Variants in GFRA1 observed in about 807,000 individuals in gnomAD.
GFRA1 encodes the protein GDNF family receptor alpha 1.
In GFRA1, 16 loss-of-function variants were observed where a neutral mutation model predicts 51.6. The ratio of observed to expected loss-of-function variants is 0.31; its 90% CI spans 0.21 to 0.47. GFRA1 has a LOEUF of 0.47. Among genes scored for constraint, GFRA1 ranks in the 20% least tolerant of loss-of-function variants. GFRA1 has a pLI of 1.00. For synonymous variants in GFRA1, 270 were observed against 241.3 expected (o/e 1.12, Z -1.10); for missense variants, 530 against 594.3 (o/e 0.89, Z 1.13).
At chr10:116,145,148 CAAAA>C (rs58509181) in intron 5 of GFRA1, among the ~76,000 whole-genome samples, 6 of 28,738 alleles carry the variant, frequency 2.1e-4, no homozygotes, top group South Asian at 3.2e-3. Context: ...GACTCTGTCT[CAAAA>C]AAAAAAAAAA....
At chr10:116,208,368 G>A (rs1186004462) in intron 5 of GFRA1, among the ~76,000 whole-genome samples, 2 of 152,062 alleles carry the variant, frequency 1.3e-5, no homozygotes, top group Non-Finnish European at 2.9e-5. Flanking sequence ...TAAGTTCCAC[G>A]AAAACAGGAC....
At chr10:116,246,032 T>A (rs76138097) in intron 4 of GFRA1, among the ~76,000 whole-genome samples, 2 of 152,208 alleles carry the variant, frequency 1.3e-5, no homozygotes, top group Non-Finnish European at 2.9e-5. Context: ...TCAAAACTCA[T>A]AGAACTGTTT....
chr10:116,166,565 G>A (rs187210569), intron 5 of GFRA1, among the ~76,000 whole-genome samples: 7 of 151,934 alleles, frequency 4.6e-5, no homozygotes, highest in East Asian at 1.9e-4. Context: ...ACCTTCCCCC[G>A]GCCGTGCAGC....
Position 116,272,053 on chromosome 10 carries a change from C to T in GFRA1, c.-24G>A, listed in dbSNP as rs1376841096. 2 of 1,548,208 alleles carry T rather than the reference C, an allele frequency of 1.3e-6. No homozygotes were observed. Among genetic ancestry groups the T allele is most frequent in the Non-Finnish European group, 8.7e-7 (1 of 1,145,624 alleles). On this transcript the variant is annotated 5_prime_UTR_variant, in exon 2 of 11. Coordinates refer to ENST00000355422, the MANE Select transcript of GFRA1 (RefSeq NM_005264.8). This position sits in a 1 kb window ranked among gnomAD's most constrained non-coding sequence, Gnocchi z 4.4. The stretch of plus-strand genomic sequence containing the variant: ...ATGGTGCCGGCGCGGGGCTGGTCCC[C>T]GCCCCCCCAAAAAAATCCCGAGCCG...
intron 5 of GFRA1, among the ~76,000 whole-genome samples, chr10:116,206,432 TCAC>T (rs1964762771): frequency 1.3e-5 from 2 of 152,164 alleles, no homozygotes; most frequent in Admixed American, 1.3e-4. Context: ...AGTGGGCCCG[TCAC>T]CACAAGCCCA....
intron 4 of GFRA1, among the ~76,000 whole-genome samples, chr10:116,241,412 G>A (rs187456133): frequency 2.6e-5 from 4 of 152,158 alleles, no homozygotes; most frequent in African/African-American, 7.2e-5. Flanking sequence ...GTGCTGCTTC[G>A]TTCATCCTGA....
intron 5 of GFRA1, among the ~76,000 whole-genome samples, chr10:116,158,995 C>CA (rs1201543892): frequency 3.3e-5 from 5 of 152,252 alleles, no homozygotes; most frequent in Admixed American, 3.3e-4. Context: ...AAACGCTTTG[C>CA]ATTTGAAGGA....
chr10:116,187,250 C>A (rs1372140160), intron 5 of GFRA1, among the ~76,000 whole-genome samples: 1 of 152,156 alleles, frequency 6.6e-6, no homozygotes, highest in Non-Finnish European at 1.5e-5. Context: ...TCGTATTTGT[C>A]TATTATTTTT....
At chr10:116,257,628 C>T (rs1407660359) in intron 4 of GFRA1, among the ~76,000 whole-genome samples, 1 of 152,152 alleles carries the variant, frequency 6.6e-6, no homozygotes, top group East Asian at 1.9e-4. Context: ...CTTCTCTGGT[C>T]GAGAAGCATC....
intron 4 of GFRA1, among the ~76,000 whole-genome samples, chr10:116,259,680 T>C (rs1360605136): frequency 2.0e-5 from 3 of 152,174 alleles, no homozygotes; most frequent in Admixed American, 6.5e-5. Context: ...AGGGAGTAGA[T>C]AGCTCCTTCT....
At chr10:116,255,651 C>T (rs1012003401) in intron 4 of GFRA1, 1 of 1,288,994 alleles carries the variant, frequency 7.8e-7, no homozygotes, top group Non-Finnish European at 1.0e-6. Flanking sequence ...CCACTCCCCA[C>T]ATCCCCACAT....
intron 4 of GFRA1, chr10:116,226,840 G>A: frequency 5.8e-6 from 2 of 346,366 alleles, no homozygotes; most frequent in Non-Finnish European, 1.2e-5. Context: ...TCAGGTATTA[G>A]ATTCTCATAA....
chr10:116,261,872 G>C (rs1351021526), intron 4 of GFRA1, among the ~76,000 whole-genome samples: 1 of 152,182 alleles, frequency 6.6e-6, no homozygotes, highest in Non-Finnish European at 1.5e-5. Flanking sequence ...AAAAGGAGCA[G>C]ATGACTCTCA....
At chr10:116,070,091 G>A (rs142194395) in intron 9 of GFRA1, among the ~76,000 whole-genome samples, 2 of 152,114 alleles carry the variant, frequency 1.3e-5, no homozygotes, top group Admixed American at 6.5e-5. Flanking sequence ...AAAACCAGGG[G>A]AAGTTGCCCA....
chr10:116,089,223 G>C (rs954628213), intron 9 of GFRA1, among the ~76,000 whole-genome samples: 1 of 152,146 alleles, frequency 6.6e-6, no homozygotes, highest in African/African-American at 2.4e-5. Context: ...CTGCCAAAGA[G>C]CACTTGCTTT....
In GFRA1 at chr10:116,129,681, G is replaced by C. The variant is rs550684980; in HGVS notation, c.434-4124C>G. On this transcript the variant is annotated intron_variant, in intron 5 of 10. Transcript: ENST00000355422. ...TAAAGAATCTACAAAACAACTACTAGAAATAATAAGTGAGTTTAGCAAAGT... is the reference window on the plus strand; with the variant it reads ...TAAAGAATCTACAAAACAACTACTACAAATAATAAGTGAGTTTAGCAAAGT... Among the ~76,000 whole-genome samples, 10 of 152,152 alleles carry C rather than the reference G, an allele frequency of 6.6e-5. No individual in the cohort carries two copies. The East Asian group carries it at 1.5e-3, about 24-fold the overall frequency.
In GFRA1 at chr10:116,164,443, AAG is replaced by A. The variant is rs371641198; in HGVS notation, c.434-38888_434-38887del. Among the ~76,000 whole-genome samples the A allele has an allele frequency of 2.8e-4, 42 of 152,282 alleles. 1 individual carries two copies. The highest frequency in any genetic ancestry group is 9.1e-4 in the African/African-American group (38 of 41,562). On this transcript the variant is annotated intron_variant, in intron 5 of 10. Coordinates refer to ENST00000355422, the MANE Select transcript of GFRA1 (RefSeq NM_005264.8). ...CTCTTGGTCTTGCTTTGGTTTGGGT[AAG>A]AGTGAACAGCATTTGAAATGAAGGC...
At position 116,256,190 on chromosome 10, in the gene GFRA1, C is replaced by G. The variant is rs1968839141; in HGVS notation, c.418+13313G>C. On this transcript the variant is annotated intron_variant, in intron 4 of 10. Coordinates refer to ENST00000355422, the MANE Select transcript of GFRA1 (RefSeq NM_005264.8). ...TAGAACGTTGCAAGTAACTATTTAC[C>G]TGTGGTCTCACAGCTACTAAGTGCT... Among the ~76,000 whole-genome samples, 6 of 152,164 alleles carry G rather than the reference C, an allele frequency of 3.9e-5. No homozygotes were observed. The South Asian group carries it at 1.2e-3, about 32-fold the overall frequency.
At chr10:116,177,099 G>A (rs1209020799) in intron 5 of GFRA1, among the ~76,000 whole-genome samples, 1 of 152,162 alleles carries the variant, frequency 6.6e-6, no homozygotes, top group Non-Finnish European at 1.5e-5. Flanking sequence ...AGAGGATGGG[G>A]CAGAAAGTGA....
Sources: gnomAD v4.1 joint callset for allele counts (sites outside exome capture counted in the v4.1 genomes callset) on GRCh38, gnomAD v4.1.1 for gene constraint, Gnocchi (gnomAD v3.1) non-coding constraint, MANE v1.5 for transcripts, NCBI Gene and HGNC (gene_info 2026-07-23, HGNC 2026-07-21) for gene names.